The following ALKBH8 variants were observed in gnomAD, a reference collection of about 807,000 sequenced individuals.
ALKBH8 encodes tRNA (carboxymethyluridine(34)-5-O)-methyltransferase ALKBH8.
Under a neutral mutation model 59.8 loss-of-function variants are expected in ALKBH8, and 36 were observed. The observed-to-expected ratio is 0.60, with a 90% CI of 0.46 to 0.79. The LOEUF (loss-of-function observed/expected upper bound fraction) is 0.79. ALKBH8 is among the 30% of genes least tolerant of loss of function. The pLI is 0.00. For missense variants in ALKBH8, 768 were observed against 801.0 expected (o/e 0.96, Z 0.50); for synonymous variants, 276 against 273.6 (o/e 1.01, Z -0.09).
chr11:107,563,113 G>A (rs1311341303), intron 1 of ALKBH8, among the ~76,000 whole-genome samples: 1 of 152,174 alleles, frequency 6.6e-6, no homozygotes, highest in East Asian at 1.9e-4. Flanking sequence ...ATGTCTGGCT[G>A]GCAAGTGACA....
At chr11:107,533,740 T>C (rs10890735) in intron 7 of ALKBH8, among the ~76,000 whole-genome samples, 30,659 of 152,152 alleles carry the variant, frequency 0.2, 3,872 homozygotes, top group South Asian at 0.37. Flanking sequence ...GTTAGATTAT[T>C]TGGTAAAGCA....
At chr11:107,549,856 A>AT in intron 6 of ALKBH8, 33 bp from the exon 7 acceptor site, 1 of 1,454,646 alleles carries the variant, frequency 6.9e-7, no homozygotes, top group Non-Finnish European at 9.4e-7. Context: ...ACGTCACTTC[A>AT]TTTTTTCCTT....
chr11:107,527,682 G>A (rs149198343), intron 8 of ALKBH8, among the ~76,000 whole-genome samples: 58 of 151,782 alleles, frequency 3.8e-4, no homozygotes, highest in Admixed American at 7.9e-4. Flanking sequence ...CTTGTATGTC[G>A]CTAAATTCAC....
rs147512590 is a variant in ALKBH8 at position 107,554,960 on chromosome 11, C to T, written c.368-982G>A. On this transcript the variant is annotated intron_variant, in intron 3 of 11. Transcript: ENST00000428149. ...GCCTGGTAGCAGATATCTAAACAAG[C>T]ATTAAACTATTTGTGATGGCTGGGT... Among the ~76,000 whole-genome samples the T allele has an allele frequency of 6.4e-3, 981 of 152,220 alleles. 9 individuals are homozygous for T. The highest frequency in any genetic ancestry group is 0.022 in the African/African-American group (897 of 41,534).
At chr11:107,554,635 G>T (rs546085606) in intron 3 of ALKBH8, among the ~76,000 whole-genome samples, 1 of 152,142 alleles carries the variant, frequency 6.6e-6, no homozygotes, top group African/African-American at 2.4e-5. Context: ...CTTTTCTGCT[G>T]GACAGTTTTC....
Position 107,522,410 on chromosome 11 carries a change from G to T in ALKBH8, c.1176C>A (p.Thr392=). The change falls in exon 10 of 12, where the codon ACC becomes ACA. Residue 392 remains threonine, a synonymous_variant. Transcript: ENST00000428149. ...IAGHFSSTRH[T]PWPHIVEFLK... ...AAAACTCCACAATGTGCGGCCAAGG[G>T]GTATGTCTTGTGCTGCTGAAGTGCC... 1.3e-6 allele frequency: 2 copies of T among 1,551,714 alleles called. No individual in the cohort carries two copies. Among genetic ancestry groups the T allele is most frequent in the Non-Finnish European group, 1.7e-6 (2 of 1,147,004 alleles).
In ALKBH8 at chr11:107,505,182, G is replaced by A. The variant is rs543270040; in HGVS notation, c.1471C>T (p.Arg491Ter). Residue 491 changes from arginine (R) to a stop codon, truncating the protein, a stop_gained, in exon 12 of 12, where the codon CGA becomes TGA. Transcript: ENST00000428149. LOFTEE classifies it low-confidence loss of function (END_TRUNC). ...RRVAALQEIV[R>*]LLRPGGKALI... ...GCCTTCCCACCTGGTCTCAGGAGTC[G>A]AACAATTTCTTGGAGAGCTGCCACT... The A allele has an allele frequency of 6.5e-7, 1 of 1,546,912 alleles. No individual in the cohort carries two copies. The highest frequency in any genetic ancestry group is 8.7e-7 in the Non-Finnish European group (1 of 1,144,464).
intron 10 of ALKBH8, among the ~76,000 whole-genome samples, chr11:107,515,598 C>A (rs974661540): frequency 6.6e-6 from 1 of 152,168 alleles, no homozygotes; most frequent in Non-Finnish European, 1.5e-5. Context: ...CTCAGGCAGT[C>A]TTCCCACCTC....
intron 11 of ALKBH8, among the ~76,000 whole-genome samples, chr11:107,508,963 A>G (rs1468155668): frequency 2.0e-5 from 3 of 152,202 alleles, no homozygotes; most frequent in Non-Finnish European, 4.4e-5. Context: ...TAATGCTGCT[A>G]TGAACGTAGG....
chr11:107,559,275 G>A (rs755058795), intron 2 of ALKBH8, among the ~76,000 whole-genome samples: 33 of 152,032 alleles, frequency 2.2e-4, no homozygotes, highest in Non-Finnish European at 4.4e-4. Flanking sequence ...CATGACAACA[G>A]ACTAATACAA....
chr11:107,542,772 T>G (rs630805), intron 7 of ALKBH8, among the ~76,000 whole-genome samples: 2 of 151,894 alleles, frequency 1.3e-5, no homozygotes. Context: ...TAGCTGGGCA[T>G]GGTAGCTCGT....
intron 3 of ALKBH8, among the ~76,000 whole-genome samples, chr11:107,555,298 T>G (rs1409869581): frequency 6.6e-6 from 1 of 152,130 alleles, no homozygotes; most frequent in East Asian, 1.9e-4. Context: ...CACACTTCTG[T>G]TCTCAATTAA....
rs76263308 is a variant in ALKBH8, at chr11:107,561,572, C to A, written c.-6-673G>T. ...GTATGTGTCATATATTTTATATCTA[C>A]AATTTTTTAAATAACAGAATCCCAA... On this transcript the variant is annotated intron_variant, in intron 1 of 11. Coordinates refer to ENST00000428149, the MANE Select transcript of ALKBH8 (RefSeq NM_138775.3). 3.4e-3 allele frequency among the ~76,000 whole-genome samples: 513 copies of A among 152,278 alleles called. 6 individuals carry two copies. Among genetic ancestry groups the A allele is most frequent in the African/African-American group, 0.012 (494 of 41,552 alleles).
At position 107,533,743 on chromosome 11, in the gene ALKBH8, G is replaced by A. The variant is rs73002078; in HGVS notation, c.772-1337C>T. Reference sequence around the variant, plus strand: ...GATGAGAAGATGGTTAGATTATTTGGTAAAGCAAGTATATTAAAATATTAA... The same window carrying A: ...GATGAGAAGATGGTTAGATTATTTGATAAAGCAAGTATATTAAAATATTAA... On this transcript the variant is annotated intron_variant, in intron 7 of 11. Transcript: ENST00000428149. 8.0e-3 allele frequency among the ~76,000 whole-genome samples: 1,215 copies of A among 152,272 alleles called. 13 individuals are homozygous for A. Among genetic ancestry groups the A allele is most frequent in the Non-Finnish European group, 0.013 (859 of 68,024 alleles).
chr11:107,561,211 A>G (rs920241851), intron 1 of ALKBH8, among the ~76,000 whole-genome samples: 1 of 152,190 alleles, frequency 6.6e-6, no homozygotes, highest in Admixed American at 6.5e-5. Context: ...AATGTGCCAT[A>G]CACAAATTTC....
At chr11:107,519,586 G>A (rs1342417462) in intron 10 of ALKBH8, among the ~76,000 whole-genome samples, 5 of 152,060 alleles carry the variant, frequency 3.3e-5, no homozygotes, top group Admixed American at 6.6e-5. Flanking sequence ...CTTGGGACCC[G>A]AAGTATTTTA....
At chr11:107,555,660 A>C (rs959722272) in intron 3 of ALKBH8, among the ~76,000 whole-genome samples, 1 of 152,176 alleles carries the variant, frequency 6.6e-6, no homozygotes, top group Non-Finnish European at 1.5e-5. Flanking sequence ...TTCGAGTCTT[A>C]TTTTACAAAA....
chr11:107,522,615 G>T, intron 9 of ALKBH8, 60 bp from the exon 10 acceptor site: 1 of 1,457,154 alleles, frequency 6.9e-7, no homozygotes, highest in South Asian at 1.4e-5. Context: ...AAGGTATCAA[G>T]TTTTCTTAAA....
At chr11:107,525,417 G>A in intron 9 of ALKBH8, 24 bp downstream of exon 9, 1 of 1,516,604 alleles carries the variant, frequency 6.6e-7, no homozygotes, top group Non-Finnish European at 8.8e-7. Context: ...CCATTTTACA[G>A]ACGAGATAAG....
Sources: gnomAD v4.1 joint callset for allele counts (sites outside exome capture counted in the v4.1 genomes callset) on GRCh38, gnomAD v4.1.1 for gene constraint, MANE v1.5 for transcripts, NCBI Gene and HGNC (gene_info 2026-07-23, HGNC 2026-07-21) for gene names.